Variants in TIAM2 observed in about 807,000 individuals in gnomAD.
TIAM2 encodes the protein TIAM Rac1 associated GEF 2, also known as rho guanine nucleotide exchange factor TIAM2.
TIAM2 carries 80 observed loss-of-function variants against 152.9 expected under a neutral mutation model. The ratio of observed to expected loss-of-function variants is 0.52; its 90% CI spans 0.44 to 0.63. The LOEUF (loss-of-function observed/expected upper bound fraction) is 0.63, where lower values mean the gene tolerates loss of function less well. TIAM2 is among the 30% of genes least tolerant of loss of function. The pLI is 0.00. For synonymous variants in TIAM2, 804 were observed against 838.0 expected (o/e 0.96, Z 0.70); for missense variants, 1,965 against 2,120.1 (o/e 0.93, Z 1.44).
chr6:155,117,093 T>C (rs1013356993), intron 2 of TIAM2, among the ~76,000 whole-genome samples: 6 of 135,884 alleles, frequency 4.4e-5, no homozygotes, highest in Non-Finnish European at 6.5e-5. Flanking sequence ...GTGGTGAGAA[T>C]GTGTAAAATG....
chr6:155,189,581 CTCAG>C (rs1260708084), intron 14 of TIAM2, among the ~76,000 whole-genome samples: 2 of 152,060 alleles, frequency 1.3e-5, no homozygotes, highest in Non-Finnish European at 2.9e-5. Context: ...TTTTCTTATT[CTCAG>C]TCATTTATTT....
intron 20 of TIAM2, among the ~76,000 whole-genome samples, chr6:155,248,409 C>T (rs573343852): frequency 4.6e-5 from 7 of 152,222 alleles, no homozygotes; most frequent in Non-Finnish European, 8.8e-5. Flanking sequence ...TGATCTCATC[C>T]GGGTAGCGCC....
chr6:155,055,086 G>A (rs867787080), intron 1 of TIAM2, among the ~76,000 whole-genome samples: 27 of 152,204 alleles, frequency 1.8e-4, no homozygotes, highest in East Asian at 5.8e-4. Flanking sequence ...CTTCACTTGG[G>A]GAGTCACTGT....
intron 2 of TIAM2, among the ~76,000 whole-genome samples, chr6:155,105,865 T>C (rs1778673459): frequency 6.6e-6 from 1 of 152,110 alleles, no homozygotes; most frequent in African/African-American, 2.4e-5. Flanking sequence ...AAACCTTTGA[T>C]TAAGTGGTTT....
rs1403139464 is a variant in TIAM2 at position 155,213,243 on chromosome 6, G to A, written c.3168+1936G>A. Among the ~76,000 whole-genome samples the A allele has an allele frequency of 6.6e-6, 1 of 152,198 alleles. No individual in the cohort carries two copies. The highest frequency in any genetic ancestry group is 1.5e-5 in the Non-Finnish European group (1 of 68,034). ...TGCGGGCAAGGGGAGGGTGAGCAAG[G>A]TGAAGAGGAGCTTTATTGAGCTGTA... On this transcript the variant is annotated intron_variant, in intron 15 of 26. Coordinates refer to ENST00000682666, the MANE Select transcript of TIAM2 (RefSeq NM_012454.4). This position sits in a 1 kb window ranked among gnomAD's most constrained non-coding sequence, Gnocchi z 4.2.
In TIAM2 at chr6:155,240,699, C is replaced by A; in HGVS notation, c.3338C>A (p.Ser1113Tyr). Residue 1113 changes from serine (S) to tyrosine (Y), a missense_variant, in exon 16 of 27, where the codon TCC becomes TAC. Physicochemically the swap from Ser to Tyr is moderately radical, Grantham distance 144. Around this residue, in one of 3 missense-constraint regions of TIAM2, gnomAD observed 935 missense variants for 980.0 expected, o/e 0.95. Transcript: ENST00000682666. ...CAGGAGCTTGTGGACACAGAGAAGT[C>A]CTACGTGAAGGTAAGGGAAGAGCTG... ...VIQELVDTEK[S>Y]YVKDLSCLFE... 6.2e-7 allele frequency: 1 copy of A among 1,611,648 alleles called. No homozygotes were observed.
intron 2 of TIAM2, among the ~76,000 whole-genome samples, chr6:155,125,308 G>A (rs1779266331): frequency 6.6e-6 from 1 of 151,990 alleles, no homozygotes; most frequent in African/African-American, 2.4e-5. Context: ...CTCCTAAGAA[G>A]ATATACAGTA....
intron 14 of TIAM2, among the ~76,000 whole-genome samples, chr6:155,198,300 A>C (rs572600118): frequency 6.6e-6 from 1 of 152,376 alleles, no homozygotes; most frequent in Admixed American, 6.5e-5. Flanking sequence ...CACAGCAGCC[A>C]GCACAATTCT....
intron 20 of TIAM2, 97 bp downstream of exon 20, chr6:155,248,276 T>A: frequency 7.3e-7 from 1 of 1,362,370 alleles, no homozygotes. Flanking sequence ...CTTCCCCGCC[T>A]AGTGGCACGT....
chr6:155,122,713 C>T (rs1021942049), intron 2 of TIAM2, among the ~76,000 whole-genome samples: 1 of 152,074 alleles, frequency 6.6e-6, no homozygotes, highest in African/African-American at 2.4e-5. Flanking sequence ...ACGTCTCTAC[C>T]AGCCCTGGGC....
At chr6:155,202,518 A>C (rs1190828592) in intron 14 of TIAM2, among the ~76,000 whole-genome samples, 3 of 152,012 alleles carry the variant, frequency 2.0e-5, no homozygotes, top group Non-Finnish European at 1.5e-5. Flanking sequence ...TCCTGGGCTC[A>C]AGTGATCCTC....
Position 155,045,955 on chromosome 6 carries a change from GGGGC to G in TIAM2, c.-208-44326_-208-44323del, listed in dbSNP as rs558982682. Reference sequence around the variant, plus strand: ...GGTTCTGTTTTAATGAGGAAGAGGAGGGGCGGGCGGGAGGTAGCAGGGGAGAGCA... The same window carrying G: ...GGTTCTGTTTTAATGAGGAAGAGGAGGGGCGGGAGGTAGCAGGGGAGAGCA... On this transcript the variant is annotated intron_variant, in intron 1 of 26. Transcript: ENST00000682666. 2.7e-3 allele frequency among the ~76,000 whole-genome samples: 403 copies of G among 151,126 alleles called. 3 individuals are homozygous for G. The highest frequency in any genetic ancestry group is 9.2e-3 in the African/African-American group (380 of 41,116).
At chr6:155,152,954 C>T (rs1780010431) in intron 7 of TIAM2, among the ~76,000 whole-genome samples, 1 of 152,094 alleles carries the variant, frequency 6.6e-6, no homozygotes, top group Non-Finnish European at 1.5e-5. Context: ...ATAGTTGGTG[C>T]TATTCTCTGA....
intron 1 of TIAM2, among the ~76,000 whole-genome samples, chr6:155,030,841 T>C (rs557833183): frequency 2.6e-5 from 4 of 152,302 alleles, no homozygotes; most frequent in African/African-American, 7.2e-5. Flanking sequence ...GATTAAATCT[T>C]TCATTTTAGT....
In TIAM2 at chr6:155,129,436, C is replaced by G. The variant is rs371544718; in HGVS notation, c.213C>G (p.Asn71Lys). The part of the protein sequence containing the change: ...ARSCLSHFKS[N>K]QPYASRLGGP... Reference sequence around the variant, plus strand: ...GCTGCCTTTCTCACTTTAAGAGTAACCAGCCTTACGCATCGAGACTCGGTG... The same window carrying G: ...GCTGCCTTTCTCACTTTAAGAGTAAGCAGCCTTACGCATCGAGACTCGGTG... Residue 71 changes from asparagine to lysine, a missense_variant, in exon 4 of 27, where the codon AAC becomes AAG. Transcript: ENST00000682666. The surrounding 1 kb of genome is among the most constrained non-coding windows in gnomAD (Gnocchi z 4.8). 52 of 1,613,992 alleles carry G rather than the reference C, an allele frequency of 3.2e-5. No homozygotes were observed. The African/African-American group carries it at 5.5e-4, about 17-fold the overall frequency.
chr6:155,043,420 C>T (rs1777091224), intron 1 of TIAM2, among the ~76,000 whole-genome samples: 2 of 151,974 alleles, frequency 1.3e-5, no homozygotes, highest in East Asian at 3.9e-4. Flanking sequence ...TCACTTGAGT[C>T]CAGGAGTTCG....
intron 1 of TIAM2, among the ~76,000 whole-genome samples, chr6:154,997,737 C>G (rs1284780505): frequency 6.8e-6 from 1 of 146,644 alleles, no homozygotes; most frequent in African/African-American, 2.5e-5. Context: ...GCCTCCCCAG[C>G]TCAATTGATC....
At chr6:155,229,622 T>C (rs1384033165) in intron 15 of TIAM2, among the ~76,000 whole-genome samples, 3 of 152,224 alleles carry the variant, frequency 2.0e-5, no homozygotes, top group African/African-American at 7.2e-5. Context: ...AAGAAAAGCT[T>C]AGTCTCAAGC....
Position 155,148,171 on chromosome 6 carries a change from T to C in TIAM2, c.1865T>C (p.Leu622Pro), listed in dbSNP as rs760340927. ...GCTGTACACTCTGCTTGTGCATCCC[T>C]TTTTGCAAAGAAGCATGGGAAAGAG... ...VTAVHSACAS[L>P]FAKKHGKEDT... is the part of the protein sequence containing the mutation. Residue 622 changes from leucine to proline, a missense_variant, in exon 7 of 27, where the codon CTT (leucine) becomes CCT (proline). By Grantham distance (98) the Leu-to-Pro change is moderately conservative. Around this residue, in one of 3 missense-constraint regions of TIAM2, gnomAD observed 1,025 missense variants for 1,119.4 expected, o/e 0.92. Transcript: ENST00000682666. The C allele has an allele frequency of 6.2e-7, 1 of 1,613,696 alleles. No individual in the cohort carries two copies. The highest frequency in any genetic ancestry group is 2.2e-5 in the East Asian group (1 of 44,860).
Sources: allele counts gnomAD v4.1 joint callset (sites outside exome capture counted in the v4.1 genomes callset), GRCh38; gene constraint gnomAD v4.1.1; regional missense constraint gnomAD v4.1.1; non-coding constraint Gnocchi (gnomAD v3.1); transcripts MANE v1.5; gene names NCBI Gene and HGNC (gene_info 2026-07-23, HGNC 2026-07-21).